The following ANO3 variants were observed in gnomAD, a reference collection of about 807,000 sequenced individuals.
ANO3 encodes anoctamin 3.
ANO3 carries 99 observed loss-of-function variants against 144.8 expected under a neutral mutation model. The ratio of observed to expected loss-of-function variants is 0.68; its 90% CI spans 0.58 to 0.81. The LOEUF is 0.81. Ranked by LOEUF, ANO3 falls within the 30% of genes least tolerant of loss-of-function variation. The pLI is 0.00. For missense variants in ANO3, 905 were observed against 1,202.2 expected (o/e 0.75, Z 3.66); for synonymous variants, 414 against 392.6 (o/e 1.05, Z -0.64).
chr11:26,439,539 T>C (rs571426232), intron 1 of ANO3, among the ~76,000 whole-genome samples: 12 of 152,342 alleles, frequency 7.9e-5, no homozygotes, highest in African/African-American at 1.2e-4. Flanking sequence ...TAAAGCCACA[T>C]AGAGTGATGT....
chr11:26,243,823 TG>T (rs1167712956), intron 1 of ANO3, among the ~76,000 whole-genome samples: 3 of 152,066 alleles, frequency 2.0e-5, no homozygotes, highest in African/African-American at 7.2e-5. Flanking sequence ...TGGTATGTGT[TG>T]TTTTTGAAAA....
chr11:26,231,848 G>A lies in ANO3; in HGVS notation c.154+42518G>A, dbSNP rs527557589. 1.1e-4 allele frequency among the ~76,000 whole-genome samples: 16 copies of A among 152,244 alleles called. No homozygotes were observed. In the South Asian group the frequency reaches 3.1e-3, roughly 30 times the overall value. On this transcript the variant is annotated intron_variant, in intron 1 of 27. Coordinates refer to the ANO3 transcript ENST00000672621. ...ATCATGCAATTATGACTATTATTTG[G>A]AGTCAAACAGTCCTTAGTTTAAAGT...
chr11:26,470,409 C>A (rs1204570672), intron 4 of ANO3, among the ~76,000 whole-genome samples: 14 of 148,220 alleles, frequency 9.4e-5, no homozygotes. Flanking sequence ...GAGAGGGAGA[C>A]CCTCTCAAAA....
chr11:26,192,730 G>C (rs555485515), intron 1 of ANO3, among the ~76,000 whole-genome samples: 1 of 152,222 alleles, frequency 6.6e-6, no homozygotes, highest in African/African-American at 2.4e-5. Context: ...GGGGGAGCAG[G>C]ACAGCCGAGA....
intron 22 of ANO3, among the ~76,000 whole-genome samples, chr11:26,642,342 C>CTTTTTTTTTTTTTTTTTTTTTT (rs576729432): frequency 2.1e-5 from 2 of 93,064 alleles, no homozygotes; most frequent in African/African-American, 4.2e-5. Context: ...TTCTTTCTTT[C>CTTTTTTTTTTTTTTTTTTTTTT]TTTTTTTTTT....
At chr11:26,448,854 T>A (rs1391213722) in intron 3 of ANO3, among the ~76,000 whole-genome samples, 2 of 152,230 alleles carry the variant, frequency 1.3e-5, no homozygotes, top group Admixed American at 1.3e-4. Context: ...CATTCACTGC[T>A]GCTCCTGGGT....
Position 26,642,011 on chromosome 11 carries a change from G to A in ANO3, c.2257G>A (p.Asp753Asn). 6.2e-7 allele frequency: 1 copy of A among 1,613,490 alleles called. No homozygotes were observed. Among genetic ancestry groups the A allele is most frequent in the Non-Finnish European group, 8.5e-7 (1 of 1,179,760 alleles). Residue 753 changes from aspartate to asparagine, a missense_variant, in exon 22 of 27, where the codon GAT (aspartate) becomes AAT (asparagine). Transcript: ENST00000256737. ...LQPMNLHGLMDEYLEMVLQFG... is the reference protein window; with the variant it reads ...LQPMNLHGLMNEYLEMVLQFG... ...GCCCATGAACCTTCATGGACTGATGGATGAGTACTTAGAAATGGGTAAGGA... is the reference window on the plus strand; with the variant it reads ...GCCCATGAACCTTCATGGACTGATGAATGAGTACTTAGAAATGGGTAAGGA...
intron 1 of ANO3, among the ~76,000 whole-genome samples, chr11:26,335,018 T>C (rs945403255): frequency 6.6e-6 from 1 of 152,152 alleles, no homozygotes; most frequent in African/African-American, 2.4e-5. Context: ...CAAAATTGGT[T>C]TTGATAGGTA....
intron 18 of ANO3, among the ~76,000 whole-genome samples, chr11:26,631,389 A>T (rs951847473): frequency 1.4e-4 from 22 of 152,218 alleles, no homozygotes; most frequent in Non-Finnish European, 2.9e-4. Context: ...ATATTTATAC[A>T]TTAAAAATAA....
rs111936959 is a variant in ANO3 at position 26,585,809 on chromosome 11, A to G, written c.1448-12556A>G. 7.9e-3 allele frequency among the ~76,000 whole-genome samples: 1,199 copies of G among 152,282 alleles called. 13 individuals carry two copies. The highest frequency in any genetic ancestry group is 0.012 in the Non-Finnish European group (849 of 68,016). On this transcript the variant is annotated intron_variant, in intron 14 of 26. Transcript: ENST00000256737. The stretch of plus-strand genomic sequence containing the variant: ...AGTACTCCAAATTTCTCATATGTTA[A>G]ACTGAAGGTTAATAACAATAGCCAT...
At chr11:26,338,758 G>C (rs569719664) in intron 1 of ANO3, among the ~76,000 whole-genome samples, 2 of 151,896 alleles carry the variant, frequency 1.3e-5, no homozygotes, top group Non-Finnish European at 2.9e-5. Context: ...TTGCTGTGAG[G>C]GTCTGGGGCT....
intron 6 of ANO3, among the ~76,000 whole-genome samples, chr11:26,522,380 T>C (rs1466131720): frequency 6.6e-6 from 1 of 152,168 alleles, no homozygotes; most frequent in Non-Finnish European, 1.5e-5. Flanking sequence ...CCTCACTTAG[T>C]CCCACAGGCA....
chr11:26,428,735 G>A (rs1407128848), intron 1 of ANO3, among the ~76,000 whole-genome samples: 1 of 151,856 alleles, frequency 6.6e-6, no homozygotes, highest in Non-Finnish European at 1.5e-5. Flanking sequence ...ATTTGTGTGT[G>A]TGTGTGTGTG....
chr11:26,513,950 T>C (rs1861763446), intron 5 of ANO3, among the ~76,000 whole-genome samples: 1 of 151,990 alleles, frequency 6.6e-6, no homozygotes, highest in Non-Finnish European at 1.5e-5. Context: ...TCAGTTTCTC[T>C]CTCCTTGAAT....
chr11:26,233,013 C>T (rs576975313), intron 1 of ANO3, among the ~76,000 whole-genome samples: 2 of 149,924 alleles, frequency 1.3e-5, no homozygotes, highest in East Asian at 1.9e-4. Flanking sequence ...GTCAGGAGAT[C>T]GAGACATCCT....
chr11:26,332,423 A>T (rs1379376439), intron 1 of ANO3, 102 bp downstream of exon 1: 12 of 1,077,054 alleles, frequency 1.1e-5, no homozygotes, highest in Non-Finnish European at 1.7e-5. Flanking sequence ...TGCGACACAG[A>T]GGTGGGGAAC....
chr11:26,281,338 T>A (rs899133518), intron 1 of ANO3, among the ~76,000 whole-genome samples: 3 of 152,130 alleles, frequency 2.0e-5, no homozygotes, highest in African/African-American at 7.2e-5. Flanking sequence ...CTAATCATAT[T>A]CACGTTTGAA....
intron 17 of ANO3, among the ~76,000 whole-genome samples, chr11:26,620,374 T>C (rs1232761588): frequency 6.6e-6 from 1 of 151,940 alleles, no homozygotes; most frequent in Admixed American, 6.6e-5. Context: ...ACTCTTAGAG[T>C]TTGAAAAACC....
chr11:26,247,193 T>C (rs1268868985), intron 1 of ANO3, among the ~76,000 whole-genome samples: 1 of 152,224 alleles, frequency 6.6e-6, no homozygotes, highest in Non-Finnish European at 1.5e-5. Flanking sequence ...TATATTTTTA[T>C]TGAGTGCTGT....
Sources: gnomAD v4.1 joint callset for allele counts (sites outside exome capture counted in the v4.1 genomes callset) on GRCh38, gnomAD v4.1.1 for gene constraint, MANE v1.5 for transcripts, NCBI Gene and HGNC (gene_info 2026-07-23, HGNC 2026-07-21) for gene names.